Variants in FILIP1L observed in about 807,000 individuals in gnomAD.
FILIP1L encodes filamin A interacting protein 1 like.
A neutral mutation model predicts 96.6 loss-of-function variants in FILIP1L; 55 were observed. The observed-to-expected ratio is 0.57, with a 90% CI of 0.46 to 0.71. FILIP1L has a LOEUF of 0.71. Among genes scored for constraint, FILIP1L ranks in the 30% least tolerant of loss-of-function variants. The probability of loss-of-function intolerance (pLI) is 0.00; values close to 1 mark genes in which losing one functional copy is unlikely to be tolerated. For missense variants in FILIP1L, 1,304 were observed against 1,321.2 expected, an observed-to-expected ratio of 0.99 and a Z score of 0.20; for synonymous variants, 467 against 473.9, an observed-to-expected ratio of 0.99 and a Z score of 0.19.
intron 4 of FILIP1L, among the ~76,000 whole-genome samples, chr3:99,870,303 G>A (rs137869246): frequency 8.5e-5 from 13 of 152,290 alleles, no homozygotes; most frequent in African/African-American, 2.9e-4. Context: ...TCACCGTTGA[G>A]ACACTAACAT....
chr3:99,862,611 A>C (rs1944318118), intron 4 of FILIP1L, among the ~76,000 whole-genome samples: 1 of 152,212 alleles, frequency 6.6e-6, no homozygotes, highest in African/African-American at 2.4e-5. Flanking sequence ...CCTCCAGCTC[A>C]GTTGTGACAA....
In FILIP1L at chr3:99,851,006, T is replaced by G; in HGVS notation, c.670A>C (p.Arg224=). Residue 224 remains arginine (R), a synonymous_variant, in exon 5 of 6, where the codon AGG becomes CGG. Transcript: ENST00000477258. The stretch of plus-strand genomic sequence containing the variant: ...AGCTCCTCTTTCAGGGTGGTGACCC[T>G]TTTCTCCTTTTCTTGCTCCTTCTCC... ...QEEKEQEKEK[R]VTTLKEELTK... 6.2e-7 allele frequency: 1 copy of G among 1,612,170 alleles called. No individual in the cohort carries two copies. Among genetic ancestry groups the G allele is most frequent in the Non-Finnish European group, 8.5e-7 (1 of 1,179,604 alleles).
chr3:99,955,443 T>G (rs908688244), intron 1 of FILIP1L, among the ~76,000 whole-genome samples: 2 of 152,214 alleles, frequency 1.3e-5, no homozygotes, highest in African/African-American at 4.8e-5. Flanking sequence ...ATTTGCTTTG[T>G]GCTTGGCTCT....
At chr3:99,922,657 T>C (rs1290415802) in intron 4 of FILIP1L, among the ~76,000 whole-genome samples, 1 of 152,216 alleles carries the variant, frequency 6.6e-6, no homozygotes, top group African/African-American at 2.4e-5. Flanking sequence ...TTGGTTACTT[T>C]CCATCTTTTC....
chr3:99,997,032 G>T (rs559370643), intron 1 of FILIP1L, among the ~76,000 whole-genome samples: 3 of 152,118 alleles, frequency 2.0e-5, no homozygotes, highest in African/African-American at 7.2e-5. Context: ...CATTAAATGC[G>T]TACATCAATA....
intron 4 of FILIP1L, among the ~76,000 whole-genome samples, chr3:99,894,397 C>T (rs1454074471): frequency 1.3e-5 from 2 of 152,114 alleles, no homozygotes; most frequent in Non-Finnish European, 2.9e-5. Context: ...ATTCACTGGC[C>T]CCATTAGCTT....
intron 1 of FILIP1L, among the ~76,000 whole-genome samples, chr3:100,051,671 A>G (rs1057244175): frequency 2.6e-5 from 4 of 151,580 alleles, no homozygotes; most frequent in South Asian, 2.1e-4. Context: ...CCATGTCCCT[A>G]CAAAGGACAT....
At chr3:99,839,865 A>G (rs566239180) in intron 5 of FILIP1L, among the ~76,000 whole-genome samples, 49 of 152,346 alleles carry the variant, frequency 3.2e-4, no homozygotes, top group East Asian at 5.8e-4. Context: ...GACACCAGAC[A>G]TAAGAGTTTT....
At chr3:99,898,764 TAAAAAAAAA>T (rs35626116) in intron 4 of FILIP1L, 1 of 123,038 alleles carries the variant, frequency 8.1e-6, no homozygotes, top group Non-Finnish European at 1.7e-5. Flanking sequence ...AGACTCCATC[TAAAAAAAAA>T]AAAAAAAAAA....
At chr3:99,939,757 T>C (rs1707799321) in intron 1 of FILIP1L, among the ~76,000 whole-genome samples, 1 of 152,228 alleles carries the variant, frequency 6.6e-6, no homozygotes, top group Non-Finnish European at 1.5e-5. Context: ...TGCATGTTTC[T>C]TGATACATCA....
At chr3:99,887,151 C>G (rs1705927481) in intron 4 of FILIP1L, among the ~76,000 whole-genome samples, 1 of 151,896 alleles carries the variant, frequency 6.6e-6, no homozygotes, top group African/African-American at 2.4e-5. Context: ...TGCCTGTAAT[C>G]CCAGCTACTC....
Position 99,921,044 on chromosome 3 carries a change from G to T in FILIP1L, c.605+3186C>A, listed in dbSNP as rs1266917217. 4.6e-5 allele frequency among the ~76,000 whole-genome samples: 7 copies of T among 152,166 alleles called. No homozygotes were observed. The East Asian group carries it at 1.3e-3, about 29-fold the overall frequency. ...TGATATCTTTGTTTCACTGCTGGGA[G>T]GGTTGCTAGTTTGGGAGTGGTTTAC... On this transcript the variant is annotated intron_variant, in intron 4 of 5. Transcript: ENST00000477258.
rs557541941 is a variant in FILIP1L at position 99,944,972 on chromosome 3, G to A, written c.-10-13942C>T. On this transcript the variant is annotated intron_variant, in intron 1 of 5. Coordinates refer to ENST00000477258, the MANE Select transcript of FILIP1L (RefSeq NM_001387850.1). ...GCTTCTTCACTACTGTTCATTATTC[G>A]GCTCATTCTAGGCAGTAGGGAGGGA... 2.0e-4 allele frequency among the ~76,000 whole-genome samples: 31 copies of A among 152,254 alleles called. No homozygotes were observed. The East Asian group carries it at 3.1e-3, about 15-fold the overall frequency.
At chr3:99,920,313 T>C (rs1707086307) in intron 4 of FILIP1L, among the ~76,000 whole-genome samples, 1 of 152,024 alleles carries the variant, frequency 6.6e-6, no homozygotes, top group Non-Finnish European at 1.5e-5. Context: ...GAAAAAAAAA[T>C]ATGCAAGCTT....
chr3:99,985,677 C>T (rs1709318467), intron 1 of FILIP1L, among the ~76,000 whole-genome samples: 1 of 151,792 alleles, frequency 6.6e-6, no homozygotes, highest in Non-Finnish European at 1.5e-5. Context: ...CAACCTCCGT[C>T]TCCTGGGTTC....
At chr3:100,087,832 CTT>C (rs755041519) in intron 1 of FILIP1L, among the ~76,000 whole-genome samples, 1,160 of 114,020 alleles carry the variant, frequency 0.01, 4 homozygotes, top group African/African-American at 0.022. Context: ...ATTGTTTCAA[CTT>C]TTTTTTTTTT....
At chr3:99,968,968 G>A (rs375769009) in intron 1 of FILIP1L, among the ~76,000 whole-genome samples, 2 of 151,320 alleles carry the variant, frequency 1.3e-5, no homozygotes, top group African/African-American at 2.4e-5. Flanking sequence ...GAAGCAAAAA[G>A]AAAAAAAAAT....
intron 4 of FILIP1L, among the ~76,000 whole-genome samples, chr3:99,854,218 A>G (rs1283008511): frequency 6.6e-6 from 1 of 152,130 alleles, no homozygotes; most frequent in Non-Finnish European, 1.5e-5. Context: ...TCCTACTTTG[A>G]GTAGGAATGG....
At chr3:100,088,734 G>T (rs2066054415) in intron 1 of FILIP1L, among the ~76,000 whole-genome samples, 1 of 151,702 alleles carries the variant, frequency 6.6e-6, no homozygotes, top group African/African-American at 2.4e-5. Flanking sequence ...TCTTGTCCTT[G>T]TGCCTTGTAA....
Sources: gnomAD v4.1 joint callset for allele counts (sites outside exome capture counted in the v4.1 genomes callset) on GRCh38, gnomAD v4.1.1 for gene constraint, MANE v1.5 for transcripts, NCBI Gene and HGNC (gene_info 2026-07-23, HGNC 2026-07-21) for gene names.